Variants in FCAMR observed in about 807,000 individuals in gnomAD.
FCAMR encodes high affinity immunoglobulin alpha and immunoglobulin mu Fc receptor.
FCAMR carries 51 observed loss-of-function variants against 52.2 expected under a neutral mutation model. The observed-to-expected ratio is 0.98, with a 90% CI of 0.78 to 1.23. FCAMR has a LOEUF of 1.23. Among genes scored for constraint, FCAMR ranks in the 50% most tolerant of loss-of-function variants. The pLI is 0.00. For synonymous variants in FCAMR, 282 were observed against 262.0 expected (o/e 1.08, Z -0.74); for missense variants, 719 against 712.6 (o/e 1.01, Z -0.10).
chr1:206,964,949 G>A (rs1680648073), intron 4 of FCAMR, among the ~76,000 whole-genome samples: 1 of 152,128 alleles, frequency 6.6e-6, no homozygotes, highest in South Asian at 2.1e-4. Context: ...CACAGGCCCA[G>A]GAAACCTACC....
rs1680420836 is a variant in FCAMR, at chr1:206,959,722, C to T, written c.1530G>A (p.Met510Ile). 6.2e-7 allele frequency: 1 copy of T among 1,613,984 alleles called. No individual in the cohort carries two copies. The highest frequency in any genetic ancestry group is 1.3e-5 in the African/African-American group (1 of 74,890). ...VSTMLALFML[M>I]ALVLLQRKLW... ...GCTTCCTTTGCAATAGAACCAGAGCCATAAGCATAAACAGGGCCAGCATGG... is the reference window on the plus strand; with the variant it reads ...GCTTCCTTTGCAATAGAACCAGAGCTATAAGCATAAACAGGGCCAGCATGG... The change falls in exon 7 of 8, where the codon ATG becomes ATA. Residue 510 changes from methionine (M) to isoleucine (I), a missense_variant. Physicochemically the swap from Met to Ile is conservative, Grantham distance 10. Coordinates refer to ENST00000324852, the MANE Select transcript of FCAMR (RefSeq NM_001170631.2).
intron 1 of FCAMR, among the ~76,000 whole-genome samples, chr1:206,968,435 C>A (rs1307063545): frequency 6.6e-6 from 1 of 152,226 alleles, no homozygotes; most frequent in African/African-American, 2.4e-5. Flanking sequence ...AAAATCTACT[C>A]TTTGAATCTA....
intron 4 of FCAMR, among the ~76,000 whole-genome samples, chr1:206,964,673 G>A (rs950667172): frequency 4.6e-5 from 7 of 151,680 alleles, no homozygotes; most frequent in South Asian, 2.1e-4. Context: ...AGCAGATACC[G>A]GCACCATGCT....
rs1680773280 is a variant in FCAMR at position 206,967,780 on chromosome 1, T to A, written c.40-129A>T. 1.3e-5 allele frequency: 10 copies of A among 783,884 alleles called. No homozygotes were observed. The South Asian group carries it at 1.7e-4, about 13-fold the overall frequency. 48.6% of individuals were successfully genotyped at this position (783,884 alleles called of 1,614,324 possible). On this transcript the variant is annotated intron_variant, in intron 1 of 7. Coordinates refer to ENST00000324852, the MANE Select transcript of FCAMR (RefSeq NM_001170631.2). ...GTAGCTCTCTGCACTAGGGTGCTAT[T>A]CTGTTTCTTCTCCACAACTTCTAGA...
Position 206,967,578 on chromosome 1 carries a change from C to T in FCAMR, c.108+5G>A. ...TCTGCAAGGGGTTGTTGTTACACAACTTACGTGAGATTGTGGTAAAGTGCC... is the reference window on the plus strand; with the variant it reads ...TCTGCAAGGGGTTGTTGTTACACAATTTACGTGAGATTGTGGTAAAGTGCC... On this transcript the variant is annotated splice_donor_5th_base_variant and intron_variant, in intron 2 of 7. Transcript: ENST00000324852. 6 of 1,614,088 alleles carry T rather than the reference C, an allele frequency of 3.7e-6. No individual in the cohort carries two copies. The highest frequency in any genetic ancestry group is 5.1e-6 in the Non-Finnish European group (6 of 1,179,926).
chr1:206,968,494 A>G (rs1330906970), intron 1 of FCAMR, among the ~76,000 whole-genome samples: 1 of 152,232 alleles, frequency 6.6e-6, no homozygotes, highest in Non-Finnish European at 1.5e-5. Flanking sequence ...AAAGCAAACT[A>G]AAGTTAGCCG....
In FCAMR at chr1:206,960,431, G is replaced by A. The variant is rs1306761759; in HGVS notation, c.1445C>T (p.Ser482Phe). ...AGGTGCCTGGGGTTACCGCTTCACG[G>A]AGGACTCCTTGCCAGGGGGTCCCCA... ...GPWGPPGKES[S>F]VKRTFPEDES... The change falls in exon 6 of 8, where the codon TCC becomes TTC. Residue 482 changes from serine to phenylalanine, a missense_variant. By Grantham distance (155) the Ser-to-Phe change is radical (BLOSUM62 -2). Transcript: ENST00000324852. 1 of 1,498,358 alleles carries A rather than the reference G, an allele frequency of 6.7e-7. No individual in the cohort carries two copies. Among genetic ancestry groups the A allele is most frequent in the Non-Finnish European group, 8.9e-7 (1 of 1,123,134 alleles). 92.8% of individuals were successfully genotyped at this position (1,498,358 alleles called of 1,614,324 possible).
rs1680471313 is a variant in FCAMR, at chr1:206,960,638, G to A, written c.1238C>T (p.Ala413Val). 1.3e-6 allele frequency: 2 copies of A among 1,551,832 alleles called. No homozygotes were observed. The highest frequency in any genetic ancestry group is 1.7e-6 in the Non-Finnish European group (2 of 1,147,052). Residue 413 changes from alanine to valine, a missense_variant, in exon 6 of 8, where the codon GCA becomes GTA. Ala to Val is a moderately conservative substitution (Grantham distance 64). Coordinates refer to ENST00000324852, the MANE Select transcript of FCAMR (RefSeq NM_001170631.2). ...TGGAGTTCCCAAGGTCCACATGCCT[G>A]CAGCTGGAGTTGTTTCTCCAATGGA... ...QGSIGETTPA[A>V]GMWTLGTPAA... is the part of the protein sequence containing the mutation.
At position 206,961,042 on chromosome 1, in the gene FCAMR, A is replaced by G. The variant is rs1486653539; in HGVS notation, c.834T>C (p.Ala278=). 3.2e-6 allele frequency: 5 copies of G among 1,551,768 alleles called. No individual in the cohort carries two copies. Among genetic ancestry groups the G allele is most frequent in the Non-Finnish European group, 3.5e-6 (4 of 1,147,018 alleles). The change falls in exon 6 of 8, where the codon GCT becomes GCC. Residue 278 remains alanine (A), a synonymous_variant. Coordinates refer to ENST00000324852, the MANE Select transcript of FCAMR (RefSeq NM_001170631.2). ...TTGCTCCTGGGGTTCGTCTTCCCTC[A>G]GCTGAAGCTGTAGTCTTGCTGGTTC... ...TPGTSKTTAS[A]EGRRTPGATR...
chr1:206,963,713 A>G (rs1680596635), intron 4 of FCAMR, among the ~76,000 whole-genome samples: 3 of 152,004 alleles, frequency 2.0e-5, no homozygotes, highest in African/African-American at 7.2e-5. Context: ...GTCCCTCCAG[A>G]GTTGGGCAGA....
At chr1:206,959,572 C>T in intron 7 of FCAMR, 107 bp downstream of exon 7, 2 of 774,962 alleles carry the variant, frequency 2.6e-6, no homozygotes, top group East Asian at 2.5e-5. Context: ...TAGAATTTAG[C>T]TCTTCTACAT....
At chr1:206,969,155 C>T (rs1680835761) in intron 1 of FCAMR, 1 of 335,198 alleles carries the variant, frequency 3.0e-6, no homozygotes, top group Non-Finnish European at 6.0e-6. Context: ...ACCTAGACTC[C>T]CCCGGGTGAA....
rs537370275 is a variant in FCAMR, at chr1:206,970,076, C to A, written c.39+11G>T. On this transcript the variant is annotated intron_variant, in intron 1 of 7. Coordinates refer to ENST00000324852, the MANE Select transcript of FCAMR (RefSeq NM_001170631.2). ...CAAGATCCCAACCTCCAGGAGAAAG[C>A]ATCATTTCACCTTTTGTTCTCCAGG... 16 of 1,613,916 alleles carry A rather than the reference C, an allele frequency of 9.9e-6. No homozygotes were observed. The highest frequency in any genetic ancestry group is 8.5e-7 in the Non-Finnish European group (1 of 1,179,960).
intron 4 of FCAMR, among the ~76,000 whole-genome samples, chr1:206,965,261 T>C (rs1680659479): frequency 6.6e-6 from 1 of 152,188 alleles, no homozygotes; most frequent in Admixed American, 6.5e-5. Context: ...GTTCCACTAA[T>C]CAGCAGGATG....
chr1:206,965,779 G>A lies in FCAMR; in HGVS notation c.249C>T (p.Leu83=). The change falls in exon 4 of 8, where the codon CTC becomes CTT. Residue 83 remains leucine, a synonymous_variant. Coordinates refer to ENST00000324852, the MANE Select transcript of FCAMR (RefSeq NM_001170631.2). The stretch of plus-strand genomic sequence containing the variant: ...AAGGCCTGAGTGTTCCCATGGCCCG[G>A]AGATGGGTCCTGGAGGGGAGAGAGC... The part of the protein sequence containing the change: ...WEGSLPSRTH[L]RAMGTLRPSS... 1 of 1,582,838 alleles carries A rather than the reference G, an allele frequency of 6.3e-7. No homozygotes were observed. The highest frequency in any genetic ancestry group is 8.6e-7 in the Non-Finnish European group (1 of 1,168,674).
rs764317060 is a variant in FCAMR at position 206,965,711 on chromosome 1, G to T, written c.313+4C>A. ...GTCGAACAAAGGGAGAGTAGGGGTT[G>T]TACCTGCAAAGGAGCTCTCCTCCCG... On this transcript the variant is annotated splice_donor_region_variant and intron_variant, in intron 4 of 7. Transcript: ENST00000324852. 2.6e-6 allele frequency: 4 copies of T among 1,564,090 alleles called. No individual in the cohort carries two copies. In the Admixed American group the frequency reaches 8.3e-5, roughly 32 times the overall value.
chr1:206,965,351 A>G (rs1345104120), intron 4 of FCAMR, among the ~76,000 whole-genome samples: 1 of 152,212 alleles, frequency 6.6e-6, no homozygotes, highest in Non-Finnish European at 1.5e-5. Flanking sequence ...TTTTATTAAT[A>G]CCAAAGTTAA....
At chr1:206,962,627 C>T in intron 4 of FCAMR, 76 bp from the exon 5 acceptor site, 1 of 1,280,828 alleles carries the variant, frequency 7.8e-7, no homozygotes, top group Non-Finnish European at 1.0e-6. Context: ...GAACTCTGAA[C>T]TCTGCCAGAA....
In FCAMR at chr1:206,960,422, C is replaced by T. The variant is rs758912689; in HGVS notation, c.1454G>A (p.Arg485His). ...GPPGKESSVK[R>H]TFPEDESSSR... ...ACCGGGAGAAGGTGCCTGGGGTTACCGCTTCACGGAGGACTCCTTGCCAGG... is the reference window on the plus strand; with the variant it reads ...ACCGGGAGAAGGTGCCTGGGGTTACTGCTTCACGGAGGACTCCTTGCCAGG... Residue 485 changes from arginine to histidine, a missense_variant and splice_region_variant, in exon 6 of 8, where the codon CGT becomes CAT. By Grantham distance (29) the Arg-to-His change is conservative. Coordinates refer to ENST00000324852, the MANE Select transcript of FCAMR (RefSeq NM_001170631.2). 3.2e-5 allele frequency: 48 copies of T among 1,484,034 alleles called. No homozygotes were observed. Among genetic ancestry groups the T allele is most frequent in the Non-Finnish European group, 3.6e-5 (40 of 1,117,086 alleles). The allele number at this position is 1,484,034 out of a possible 1,614,324, so 91.9% of individuals were successfully genotyped here.
Sources: allele counts gnomAD v4.1 joint callset (sites outside exome capture counted in the v4.1 genomes callset), GRCh38; gene constraint gnomAD v4.1.1; transcripts MANE v1.5; gene names NCBI Gene and HGNC (gene_info 2026-07-23, HGNC 2026-07-21).